The following CPQ variants were observed in gnomAD, a reference collection of about 807,000 sequenced individuals.
CPQ encodes the protein carboxypeptidase Q.
A neutral mutation model predicts 45.7 loss-of-function variants in CPQ; 37 were observed. The ratio of observed to expected loss-of-function variants is 0.81; its 90% CI spans 0.62 to 1.07. The LOEUF (loss-of-function observed/expected upper bound fraction) is 1.07. Ranked by LOEUF, CPQ falls within the 50% of genes least tolerant of loss-of-function variation. The probability of loss-of-function intolerance (pLI) is 0.00; values close to 1 mark genes in which losing one functional copy is unlikely to be tolerated. For missense variants in CPQ, 537 were observed against 572.9 expected (o/e 0.94, Z 0.64); for synonymous variants, 186 against 205.8 (o/e 0.90, Z 0.82).
chr8:96,897,372 C>G (rs146026169), intron 4 of CPQ, among the ~76,000 whole-genome samples: 226 of 152,206 alleles, frequency 1.5e-3, no homozygotes, highest in African/African-American at 5.2e-3. Flanking sequence ...GACAGTGACA[C>G]CTAAATGGTT....
intron 4 of CPQ, among the ~76,000 whole-genome samples, chr8:96,905,670 T>A (rs1422934834): frequency 6.6e-6 from 1 of 151,586 alleles, no homozygotes; most frequent in Admixed American, 6.6e-5. Flanking sequence ...AGTTGCCTAC[T>A]AATTTCTGTG....
chr8:97,066,916 CTT>C (rs752150876), intron 7 of CPQ, among the ~76,000 whole-genome samples: 774 of 60,304 alleles, frequency 0.013, 6 homozygotes, highest in African/African-American at 0.027. Flanking sequence ...CTGGAACAGT[CTT>C]TTTTTTTTTT....
At chr8:97,039,454 G>A (rs1230398290) in intron 6 of CPQ, among the ~76,000 whole-genome samples, 2 of 148,570 alleles carry the variant, frequency 1.3e-5, no homozygotes, top group Non-Finnish European at 1.5e-5. Context: ...TTAAACAATT[G>A]TGATTCTTTT....
intron 6 of CPQ, 92 bp from the exon 7 acceptor site, chr8:97,065,917 G>GGTAAA: frequency 8.0e-7 from 1 of 1,255,802 alleles, no homozygotes; most frequent in Non-Finnish European, 1.1e-6. Context: ...GCCGTAAGGA[G>GGTAAA]GTAAAGTATT....
intron 7 of CPQ, among the ~76,000 whole-genome samples, chr8:97,121,423 C>T (rs1467189000): frequency 6.6e-6 from 1 of 152,114 alleles, no homozygotes; most frequent in East Asian, 1.9e-4. Flanking sequence ...CCTAGAAGGG[C>T]CTTGGTGTAA....
intron 7 of CPQ, among the ~76,000 whole-genome samples, chr8:97,122,418 C>CTATA (rs1331428114): frequency 2.0e-5 from 3 of 151,962 alleles, no homozygotes; most frequent in Non-Finnish European, 2.9e-5. Flanking sequence ...ACCTAGAATT[C>CTATA]TATAATCAGC....
chr8:96,800,203 A>G (rs1810988072), intron 2 of CPQ, among the ~76,000 whole-genome samples: 1 of 152,198 alleles, frequency 6.6e-6, no homozygotes, highest in Admixed American at 6.5e-5. Flanking sequence ...AAAAGTTCTG[A>G]ATTGGCAACT....
chr8:96,894,485 T>A (rs565058672), intron 4 of CPQ, among the ~76,000 whole-genome samples: 1 of 152,154 alleles, frequency 6.6e-6, no homozygotes, highest in South Asian at 2.1e-4. Context: ...GGCAAGTGTA[T>A]GCAAAAAAGT....
At chr8:97,022,986 T>C (rs927708743) in intron 5 of CPQ, among the ~76,000 whole-genome samples, 2 of 146,176 alleles carry the variant, frequency 1.4e-5, no homozygotes, top group African/African-American at 5.0e-5. Context: ...CTGTATATAG[T>C]ATATATATAC....
At chr8:96,661,755 G>A (rs533579796) in intron 1 of CPQ, among the ~76,000 whole-genome samples, 11 of 152,324 alleles carry the variant, frequency 7.2e-5, no homozygotes, top group South Asian at 4.1e-4. Context: ...TTACATCCAT[G>A]TGCAGGTTTT....
At chr8:97,051,907 T>C (rs1366625096) in intron 6 of CPQ, among the ~76,000 whole-genome samples, 1 of 152,222 alleles carries the variant, frequency 6.6e-6, no homozygotes, top group African/African-American at 2.4e-5. Context: ...CTTTTCAGCA[T>C]GGTTGCCCTA....
chr8:96,830,664 C>T (rs776601437), intron 2 of CPQ, among the ~76,000 whole-genome samples: 8 of 151,982 alleles, frequency 5.3e-5, no homozygotes, highest in Non-Finnish European at 1.0e-4. Context: ...TTACTCTAAC[C>T]GAGTCTGATG....
rs1445697100 is a variant in CPQ at position 96,926,576 on chromosome 8, C to CTCTTCCTCTTCT, written c.850-39354_850-39353insCTCTTCTTCTTC. Among the ~76,000 whole-genome samples, 213 of 75,016 alleles carry CTCTTCCTCTTCT rather than the reference C, an allele frequency of 2.8e-3. 1 individual carries two copies. The highest frequency in any genetic ancestry group is 9.8e-3 in the African/African-American group (120 of 12,258). The allele number at this position is 75,016 out of a possible 152,430, so 49.2% of individuals were successfully genotyped here. A position where few individuals can be genotyped will look rare whatever the true frequency, so the allele number is the denominator to read the frequency against. On this transcript the variant is annotated intron_variant, in intron 4 of 7. Coordinates refer to ENST00000220763, the MANE Select transcript of CPQ (RefSeq NM_016134.4). ...CCTCTTCCTCTTCCTCTTCCTCTTC[C>CTCTTCCTCTTCT]TCTTCTTCTTCTTCTTCTTCTTCTT...
At chr8:96,749,243 C>G (rs1810228444) in intron 1 of CPQ, among the ~76,000 whole-genome samples, 1 of 152,178 alleles carries the variant, frequency 6.6e-6, no homozygotes, top group Non-Finnish European at 1.5e-5. Flanking sequence ...AACACAAGAT[C>G]TTATGTGTAC....
Position 96,902,444 on chromosome 8 carries a change from T to C in CPQ, c.849+22439T>C, listed in dbSNP as rs1483688323. 2.6e-5 allele frequency among the ~76,000 whole-genome samples: 4 copies of C among 152,302 alleles called. No individual in the cohort carries two copies. The East Asian group carries it at 7.7e-4, about 29-fold the overall frequency. On this transcript the variant is annotated intron_variant, in intron 4 of 7. Transcript: ENST00000220763. ...AGTTCATGCTCTTCTGAATATTACT[T>C]ATTTCTCATGTACCTGTTTCTGAGG... is the stretch of plus-strand genomic sequence containing the variant.
intron 5 of CPQ, among the ~76,000 whole-genome samples, chr8:96,974,407 G>C (rs996301249): frequency 6.6e-6 from 1 of 152,206 alleles, no homozygotes; most frequent in South Asian, 2.1e-4. Context: ...GAGATAGACA[G>C]CAACACAATA....
chr8:96,924,858 C>T (rs1425258962), intron 4 of CPQ, among the ~76,000 whole-genome samples: 3 of 152,242 alleles, frequency 2.0e-5, no homozygotes, highest in Admixed American at 6.5e-5. Flanking sequence ...ACTTTGGATC[C>T]GTTCAAAATA....
At chr8:97,117,855 G>A (rs1021707146) in intron 7 of CPQ, among the ~76,000 whole-genome samples, 1 of 152,104 alleles carries the variant, frequency 6.6e-6, no homozygotes, top group African/African-American at 2.4e-5. Flanking sequence ...GAGCCACAGT[G>A]CCCAGCCCAT....
At chr8:97,050,045 G>C (rs1223894031) in intron 6 of CPQ, among the ~76,000 whole-genome samples, 2 of 152,010 alleles carry the variant, frequency 1.3e-5, no homozygotes, top group African/African-American at 4.8e-5. Flanking sequence ...AAACTCTAAG[G>C]GAGCTTTTGG....
Sources: allele counts gnomAD v4.1 joint callset (sites outside exome capture counted in the v4.1 genomes callset), GRCh38; gene constraint gnomAD v4.1.1; transcripts MANE v1.5; gene names NCBI Gene and HGNC (gene_info 2026-07-23, HGNC 2026-07-21).